Variants in ATP10A observed in about 807,000 individuals in gnomAD.
ATP10A encodes phospholipid-transporting ATPase VA.
A neutral mutation model predicts 147.8 loss-of-function variants in ATP10A; 111 were observed. The observed-to-expected ratio is 0.75, with a 90% confidence interval of 0.64 to 0.88. ATP10A has a LOEUF of 0.88. Among genes scored for constraint, ATP10A ranks in the 40% least tolerant of loss-of-function variants. ATP10A has a pLI of 0.00. For synonymous variants in ATP10A, 875 were observed against 841.6 expected (o/e 1.04, Z -0.69); for missense variants, 1,927 against 1,959.0 (o/e 0.98, Z 0.31).
At chr15:25,847,579 A>G (rs1036283680) in intron 1 of ATP10A, among the ~76,000 whole-genome samples, 13 of 116,232 alleles carry the variant, frequency 1.1e-4, no homozygotes, top group Admixed American at 3.3e-4. Context: ...GCTATTCCAT[A>G]TATTCCTAGC....
chr15:25,787,844 C>T (rs550094667), intron 1 of ATP10A, among the ~76,000 whole-genome samples: 3 of 152,144 alleles, frequency 2.0e-5, no homozygotes, highest in African/African-American at 7.2e-5. Flanking sequence ...CCCCCTACAT[C>T]GGCCTGCATA....
chr15:25,802,253 G>A (rs1596916279), intron 1 of ATP10A, among the ~76,000 whole-genome samples: 1 of 152,164 alleles, frequency 6.6e-6, no homozygotes, highest in South Asian at 2.1e-4. Flanking sequence ...TCTCAACGTC[G>A]GAATCTCAGC....
At chr15:25,711,128 G>A (rs1901389558) in intron 10 of ATP10A, among the ~76,000 whole-genome samples, 1 of 152,104 alleles carries the variant, frequency 6.6e-6, no homozygotes, top group Non-Finnish European at 1.5e-5. Context: ...CTTGTTGCCT[G>A]ACACCACACC....
chr15:25,825,526 T>C (rs1382916011), intron 1 of ATP10A, among the ~76,000 whole-genome samples: 1 of 151,934 alleles, frequency 6.6e-6, no homozygotes, highest in Non-Finnish European at 1.5e-5. Flanking sequence ...TGGCTCAGAG[T>C]TGAAGGTGTG....
intron 16 of ATP10A, among the ~76,000 whole-genome samples, chr15:25,685,606 C>T (rs775439322): frequency 2.6e-5 from 4 of 152,018 alleles, no homozygotes; most frequent in East Asian, 1.9e-4. Context: ...AGAGATGGGA[C>T]GATAGCTTGA....
chr15:25,863,569 C>G (rs1893875343), upstream of ATP10A: 1 of 152,460 alleles, frequency 6.6e-6, no homozygotes, highest in Non-Finnish European at 1.5e-5. Flanking sequence ...GAGGAAACCG[C>G]GAAGCGCGAG....
At chr15:25,772,541 G>A (rs192142595) in intron 2 of ATP10A, among the ~76,000 whole-genome samples, 13 of 152,252 alleles carry the variant, frequency 8.5e-5, no homozygotes, top group Admixed American at 7.2e-4. Flanking sequence ...GATAAAGGCC[G>A]GATGAGCAAA....
intron 9 of ATP10A, 93 bp from the exon 10 acceptor site, chr15:25,714,334 A>G (rs1901644431): frequency 1.7e-6 from 2 of 1,188,634 alleles, no homozygotes; most frequent in Admixed American, 5.0e-5. Context: ...AGGCACTTGG[A>G]GGAACAATGA....
chr15:25,725,235 T>C (rs1187814581), intron 5 of ATP10A, among the ~76,000 whole-genome samples: 1 of 152,160 alleles, frequency 6.6e-6, no homozygotes, highest in Non-Finnish European at 1.5e-5. Flanking sequence ...AGGTGAAAGT[T>C]TCATCCCTAA....
intron 1 of ATP10A, among the ~76,000 whole-genome samples, chr15:25,808,158 T>A (rs1891279439): frequency 6.6e-6 from 1 of 152,234 alleles, no homozygotes; most frequent in Non-Finnish European, 1.5e-5. Flanking sequence ...TCTTCCCTGT[T>A]CCTCAAGGTT....
chr15:25,863,059 G>T lies in ATP10A; in HGVS notation c.38C>A (p.Pro13His). ...REPAGTEEPG[P>H]PGRRRRREGR... Reference sequence around the variant, plus strand: ...CTCTCGGCGCCTCCGCCGTCCCGGAGGCCCGGGCTCCTCGGTCCCCGCCGG... The same window carrying T: ...CTCTCGGCGCCTCCGCCGTCCCGGATGCCCGGGCTCCTCGGTCCCCGCCGG... The change falls in exon 1 of 21, where the codon CCT becomes CAT. Residue 13 changes from proline (P) to histidine (H), a missense_variant. By Grantham distance (77) the Pro-to-His change is moderately conservative. Transcript: ENST00000555815. The T allele has an allele frequency of 8.0e-7, 1 of 1,246,234 alleles. No individual in the cohort carries two copies. Among genetic ancestry groups the T allele is most frequent in the Non-Finnish European group, 1.0e-6 (1 of 998,546 alleles). 77.2% of individuals were successfully genotyped at this position (1,246,234 alleles called of 1,614,324 possible).
intron 2 of ATP10A, 74 bp from the exon 3 acceptor site, chr15:25,736,215 TG>T: frequency 7.8e-7 from 1 of 1,278,318 alleles, no homozygotes. Context: ...CTCGCTTTTC[TG>T]TCTCGCATCC....
At chr15:25,750,061 C>G (rs1888065272) in intron 2 of ATP10A, among the ~76,000 whole-genome samples, 1 of 151,928 alleles carries the variant, frequency 6.6e-6, no homozygotes, top group Non-Finnish European at 1.5e-5. Context: ...TAAATAATAA[C>G]TGAAAAGTTT....
intron 8 of ATP10A, among the ~76,000 whole-genome samples, chr15:25,717,434 C>T (rs771361844): frequency 2.0e-5 from 3 of 152,160 alleles, no homozygotes; most frequent in East Asian, 1.9e-4. Flanking sequence ...AATTGCTAGA[C>T]GAGAAAGTTT....
rs770115577 is a variant in ATP10A, at chr15:25,695,166, A to G, written c.2761-20T>C. 1.3e-6 allele frequency: 2 copies of G among 1,592,242 alleles called. No homozygotes were observed. Among genetic ancestry groups the G allele is most frequent in the Admixed American group, 3.4e-5 (2 of 58,844 alleles). On this transcript the variant is annotated intron_variant, in intron 13 of 20. Transcript: ENST00000555815. ...CGCCTCCTGAAAGGGACATGAGAGG[A>G]CAGCGCAGTTCCCTCAGAGTCATGC...
At chr15:25,840,639 T>A (rs1892773206) in intron 1 of ATP10A, among the ~76,000 whole-genome samples, 1 of 152,232 alleles carries the variant, frequency 6.6e-6, no homozygotes, top group South Asian at 2.1e-4. Context: ...AGCTTCTCTG[T>A]GAATGTAAGT....
chr15:25,852,502 C>T (rs1049156495), intron 1 of ATP10A, among the ~76,000 whole-genome samples: 4 of 152,104 alleles, frequency 2.6e-5, no homozygotes, highest in African/African-American at 4.8e-5. Flanking sequence ...TCTCTCTAAC[C>T]GCCCCCCAAC....
chr15:25,693,033 T>A (rs1296425104), intron 14 of ATP10A, among the ~76,000 whole-genome samples: 1 of 151,662 alleles, frequency 6.6e-6, no homozygotes, highest in East Asian at 1.9e-4. Context: ...TTTTTTTCTT[T>A]TTTTGAGACA....
intron 3 of ATP10A, among the ~76,000 whole-genome samples, chr15:25,731,716 G>T (rs1463625994): frequency 1.3e-5 from 2 of 152,078 alleles, no homozygotes; most frequent in Non-Finnish European, 2.9e-5. Flanking sequence ...ATTTCGCTAG[G>T]GCTTAACTAT....
Sources: allele counts gnomAD v4.1 joint callset (sites outside exome capture counted in the v4.1 genomes callset), GRCh38; gene constraint gnomAD v4.1.1; transcripts MANE v1.5; gene names NCBI Gene and HGNC (gene_info 2026-07-23, HGNC 2026-07-21).